Variants in TNS3 observed in about 807,000 individuals in gnomAD.
The protein encoded by TNS3 is tensin-3.
Under a neutral mutation model 140.9 loss-of-function variants are expected in TNS3, and 45 were observed. The ratio of observed to expected loss-of-function variants is 0.32; its 90% CI spans 0.25 to 0.41. TNS3 has a LOEUF of 0.41. Ranked by LOEUF, TNS3 falls within the 10% of genes least tolerant of loss-of-function variation. The pLI is 1.00. For missense variants in TNS3, 1,716 were observed against 1,906.7 expected (o/e 0.90, Z 1.86); for synonymous variants, 815 against 788.4 (o/e 1.03, Z -0.56).
intron 21 of TNS3, 99 bp downstream of exon 21, chr7:47,304,733 G>C (rs1466286453): frequency 9.9e-6 from 12 of 1,207,702 alleles, no homozygotes; most frequent in Admixed American, 4.0e-5. Flanking sequence ...TCTAGCTTCA[G>C]CTTCTCTGAA....
chr7:47,378,724 C>T (rs1053572658), intron 16 of TNS3, among the ~76,000 whole-genome samples: 7 of 152,142 alleles, frequency 4.6e-5, no homozygotes, highest in African/African-American at 1.7e-4. Context: ...TGCAAGGGAC[C>T]GAAGCATGTC....
chr7:47,304,647 TC>T, intron 21 of TNS3, among the ~76,000 whole-genome samples, 184 bp downstream of exon 21: 1 of 152,228 alleles, frequency 6.6e-6, no homozygotes, highest in African/African-American at 2.4e-5. Flanking sequence ...CATACACCTG[TC>T]CCCGGCGGTA....
intron 4 of TNS3, among the ~76,000 whole-genome samples, chr7:47,451,682 G>A (rs902239219): frequency 6.6e-6 from 1 of 152,198 alleles, no homozygotes; most frequent in Non-Finnish European, 1.5e-5. Context: ...CACAGCTGCC[G>A]GGCCATGTGT....
intron 4 of TNS3, 37 bp downstream of exon 4, chr7:47,481,066 A>G: frequency 4.7e-6 from 6 of 1,287,956 alleles, no homozygotes; most frequent in Non-Finnish European, 6.1e-6. Context: ...CCTTTCTTGG[A>G]TGGAACAAGG....
intron 4 of TNS3, among the ~76,000 whole-genome samples, chr7:47,460,272 G>A (rs1412377711): frequency 6.6e-6 from 1 of 151,404 alleles, no homozygotes; most frequent in Non-Finnish European, 1.5e-5. Flanking sequence ...CACATAGAGG[G>A]GCAGCCATGT....
At chr7:47,444,439 C>A (rs575117764) in intron 4 of TNS3, among the ~76,000 whole-genome samples, 14 of 152,322 alleles carry the variant, frequency 9.2e-5, no homozygotes, top group African/African-American at 3.4e-4. Flanking sequence ...ACTCATGGGG[C>A]AAAACTATTT....
intron 2 of TNS3, among the ~76,000 whole-genome samples, chr7:47,511,047 C>T (rs1584793039): frequency 2.0e-5 from 3 of 152,280 alleles, no homozygotes; most frequent in East Asian, 1.9e-4. Flanking sequence ...ATGTCCAGTG[C>T]GTGGTGTTCC....
chr7:47,450,284 A>G (rs1336258368), intron 4 of TNS3, among the ~76,000 whole-genome samples: 4 of 152,250 alleles, frequency 2.6e-5, no homozygotes, highest in Admixed American at 2.6e-4. Context: ...GATGAAAAGC[A>G]GTGACATCTG....
chr7:47,438,377 G>A (rs1235883231), intron 6 of TNS3, among the ~76,000 whole-genome samples: 2 of 152,194 alleles, frequency 1.3e-5, no homozygotes, highest in African/African-American at 4.8e-5. Flanking sequence ...AGAGGGGAAG[G>A]ATGGCCAGAG....
intron 13 of TNS3, among the ~76,000 whole-genome samples, chr7:47,401,242 C>T (rs1372127184): frequency 6.6e-6 from 1 of 152,206 alleles, no homozygotes; most frequent in Non-Finnish European, 1.5e-5. Flanking sequence ...TTTCAGACCA[C>T]GTGAATGTGC....
At chr7:47,364,818 C>T (rs1164005521) in intron 17 of TNS3, among the ~76,000 whole-genome samples, 3 of 152,184 alleles carry the variant, frequency 2.0e-5, no homozygotes, top group Non-Finnish European at 2.9e-5. Context: ...TTCATCACTG[C>T]TCATGGACAG....
At chr7:47,435,445 A>G (rs1297688017) in intron 7 of TNS3, 41 bp from the exon 8 acceptor site, 1 of 1,608,600 alleles carries the variant, frequency 6.2e-7, no homozygotes. Context: ...TCCATTTCCT[A>G]AAACCTTCTG....
At chr7:47,537,907 T>C (rs1383379665) in intron 1 of TNS3, among the ~76,000 whole-genome samples, 1 of 151,998 alleles carries the variant, frequency 6.6e-6, no homozygotes, top group Non-Finnish European at 1.5e-5. Flanking sequence ...CCCGGGGCCT[T>C]GCACACCTGG....
chr7:47,408,043 G>A (rs1398050424), intron 13 of TNS3, among the ~76,000 whole-genome samples: 1 of 152,122 alleles, frequency 6.6e-6, no homozygotes, highest in Non-Finnish European at 1.5e-5. Flanking sequence ...GGGTTCCAGT[G>A]GCCTGAGGGA....
intron 3 of TNS3, among the ~76,000 whole-genome samples, chr7:47,485,663 T>C (rs1016851234): frequency 3.3e-5 from 5 of 152,198 alleles, no homozygotes; most frequent in Non-Finnish European, 7.3e-5. Flanking sequence ...GTCCCTCCCA[T>C]GGTGGAGGCG....
At chr7:47,356,961 G>A (rs1203265895) in intron 17 of TNS3, among the ~76,000 whole-genome samples, 1 of 151,302 alleles carries the variant, frequency 6.6e-6, no homozygotes, top group East Asian at 1.9e-4. Context: ...GGTGGCACAT[G>A]CCTGTCGTCC....
chr7:47,491,269 T>C (rs1797805162), intron 3 of TNS3, among the ~76,000 whole-genome samples: 1 of 152,192 alleles, frequency 6.6e-6, no homozygotes, highest in Non-Finnish European at 1.5e-5. Flanking sequence ...AAACCATATA[T>C]ATACTGTTTC....
intron 20 of TNS3, among the ~76,000 whole-genome samples, chr7:47,309,926 C>T (rs925471324): frequency 1.4e-4 from 21 of 152,304 alleles, no homozygotes; most frequent in Middle Eastern, 3.4e-3. Flanking sequence ...CCATTCAGAT[C>T]GCCCAAGGCA....
At chr7:47,580,493 T>C (rs4724594) in intron 1 of TNS3, among the ~76,000 whole-genome samples, 145,478 of 146,316 alleles carry the variant, frequency 0.99, 72,330 homozygotes, top group East Asian at 1. Context: ...CTCCTGTCAA[T>C]TCCCTGTGTA....
Sources: allele counts gnomAD v4.1 joint callset (sites outside exome capture counted in the v4.1 genomes callset), GRCh38; gene constraint gnomAD v4.1.1; transcripts MANE v1.5; gene names NCBI Gene and HGNC (gene_info 2026-07-23, HGNC 2026-07-21).